The following FBXO15 variants were observed in gnomAD, a reference collection of about 807,000 sequenced individuals.
The protein encoded by FBXO15 is F-box only protein 15.
FBXO15 carries 30 observed loss-of-function variants against 49.5 expected under a neutral mutation model. That is an observed-to-expected ratio of 0.61 (90% CI 0.45 to 0.82). The LOEUF (loss-of-function observed/expected upper bound fraction) is 0.82. Among genes scored for constraint, FBXO15 ranks in the 40% least tolerant of loss-of-function variants. The probability of loss-of-function intolerance (pLI) is 0.00; values close to 1 mark genes in which losing one functional copy is unlikely to be tolerated. For synonymous variants in FBXO15, 250 were observed against 232.7 expected (o/e 1.07, Z -0.68); for missense variants, 591 against 631.5 (o/e 0.94, Z 0.69).
chr18:74,125,885 G>A, intron 6 of FBXO15, 90 bp downstream of exon 6: 2 of 1,519,510 alleles, frequency 1.3e-6, no homozygotes, highest in Non-Finnish European at 1.8e-6. Flanking sequence ...AAGCTTAAAG[G>A]ATTTTACATT....
At chr18:74,134,212 T>C (rs1363133607) in intron 3 of FBXO15, among the ~76,000 whole-genome samples, 6 of 152,152 alleles carry the variant, frequency 3.9e-5, no homozygotes, top group Non-Finnish European at 5.9e-5. Flanking sequence ...GAACAGTGTA[T>C]GTCCTCTTCA....
rs77229530 is a variant in FBXO15, at chr18:74,147,815, C to A, written c.-30G>T. On this transcript the variant is annotated 5_prime_UTR_variant, in exon 1 of 10. Coordinates refer to ENST00000419743, the MANE Select transcript of FBXO15 (RefSeq NM_001142958.2). Reference sequence around the variant, plus strand: ...ACAAGGAGTTCACCACAGGACCGCGCCAGGGCTGAAACGAAGAGTGCACGC... The same window carrying A: ...ACAAGGAGTTCACCACAGGACCGCGACAGGGCTGAAACGAAGAGTGCACGC... 0.071 allele frequency: 105,901 copies of A among 1,489,616 alleles called. 4,306 individuals are homozygous for A. Among genetic ancestry groups the A allele is most frequent in the Non-Finnish European group, 0.081 (90,876 of 1,119,888 alleles). 92.3% of individuals were successfully genotyped at this position (1,489,616 alleles called of 1,614,324 possible).
In FBXO15 at chr18:74,074,760, C is replaced by T. The variant is rs1284694807; in HGVS notation, c.1264-1030G>A. The stretch of plus-strand genomic sequence containing the variant: ...CTAAGCATAAACGTCATTTCATGAA[C>T]GCTGCTTTCATTGCACATGAATGTG... On this transcript the variant is annotated intron_variant, in intron 9 of 9. Transcript: ENST00000419743. The surrounding 1 kb of genome is among the most constrained non-coding windows in gnomAD (Gnocchi z 4.7). 5.9e-5 allele frequency among the ~76,000 whole-genome samples: 9 copies of T among 152,196 alleles called. No individual in the cohort carries two copies. The highest frequency in any genetic ancestry group is 8.8e-5 in the Non-Finnish European group (6 of 68,048).
At chr18:74,084,805 C>T (rs771197457) in intron 8 of FBXO15, among the ~76,000 whole-genome samples, 3 of 152,228 alleles carry the variant, frequency 2.0e-5, no homozygotes, top group South Asian at 2.1e-4. Context: ...TGTATAACCA[C>T]GGTCAAGTTC....
intron 8 of FBXO15, among the ~76,000 whole-genome samples, chr18:74,102,508 A>C (rs984627759): frequency 1.3e-5 from 2 of 152,186 alleles, no homozygotes; most frequent in African/African-American, 4.8e-5. Context: ...TGCTGAAGGG[A>C]ATGTAAACTA....
intron 3 of FBXO15, among the ~76,000 whole-genome samples, chr18:74,133,490 T>C (rs1978522801): frequency 6.6e-6 from 1 of 152,206 alleles, no homozygotes; most frequent in Admixed American, 6.5e-5. Context: ...TCCAGAATGC[T>C]AGTTTTAGAT....
chr18:74,129,055 T>C (rs1978307375), intron 5 of FBXO15, among the ~76,000 whole-genome samples: 1 of 152,302 alleles, frequency 6.6e-6, no homozygotes, highest in Admixed American at 6.5e-5. Flanking sequence ...ATTTAGACTA[T>C]GATTAGTATA....
At chr18:74,142,027 A>G (rs1474348183) in intron 1 of FBXO15, among the ~76,000 whole-genome samples, 1 of 152,198 alleles carries the variant, frequency 6.6e-6, no homozygotes, top group Non-Finnish European at 1.5e-5. Flanking sequence ...GAAGTTGCAT[A>G]AGGTAAACTT....
chr18:74,105,763 A>G (rs1913728791), intron 8 of FBXO15, among the ~76,000 whole-genome samples: 1 of 152,130 alleles, frequency 6.6e-6, no homozygotes, highest in Non-Finnish European at 1.5e-5. Flanking sequence ...TATTTTTTAA[A>G]TGCAATATGT....
chr18:74,135,732 A>G, intron 3 of FBXO15, 30 bp downstream of exon 3: 1 of 1,544,498 alleles, frequency 6.5e-7, no homozygotes, highest in Non-Finnish European at 8.8e-7. Flanking sequence ...CTGTCATCAA[A>G]ACATAACAGA....
chr18:74,088,406 A>G (rs1912844594), intron 8 of FBXO15, among the ~76,000 whole-genome samples: 1 of 152,216 alleles, frequency 6.6e-6, no homozygotes, highest in African/African-American at 2.4e-5. Context: ...GTCCAGCTTC[A>G]ATCATCTGCA....
intron 8 of FBXO15, among the ~76,000 whole-genome samples, chr18:74,086,992 A>G (rs1187674894): frequency 1.3e-5 from 2 of 152,226 alleles, no homozygotes; most frequent in Non-Finnish European, 2.9e-5. Context: ...CAAGTCACAT[A>G]AATTTTCTGG....
At chr18:74,133,758 G>A (rs1005986045) in intron 3 of FBXO15, among the ~76,000 whole-genome samples, 15 of 152,192 alleles carry the variant, frequency 9.9e-5, no homozygotes, top group Non-Finnish European at 1.9e-4. Flanking sequence ...AGCCAACTGT[G>A]CAGAGATCAC....
intron 2 of FBXO15, among the ~76,000 whole-genome samples, chr18:74,137,021 A>G (rs1978766128): frequency 6.6e-6 from 1 of 152,222 alleles, no homozygotes. Context: ...AACTCCGATA[A>G]TACTGAGAAA....
chr18:74,103,473 A>T (rs1472457609), intron 8 of FBXO15, among the ~76,000 whole-genome samples: 1 of 152,116 alleles, frequency 6.6e-6, no homozygotes, highest in Non-Finnish European at 1.5e-5. Flanking sequence ...AAATAATAAC[A>T]GAAAACTTTC....
intron 3 of FBXO15, among the ~76,000 whole-genome samples, chr18:74,131,561 C>T (rs1978393688): frequency 6.6e-6 from 1 of 152,152 alleles, no homozygotes; most frequent in Non-Finnish European, 1.5e-5. Flanking sequence ...CTGTTCCTTC[C>T]ACTCATCTCT....
At chr18:74,138,405 C>G (rs1978856377) in intron 2 of FBXO15, among the ~76,000 whole-genome samples, 2 of 152,140 alleles carry the variant, frequency 1.3e-5, no homozygotes, top group African/African-American at 2.4e-5. Context: ...CGCAGGTCAC[C>G]GACTGCTCTT....
intron 8 of FBXO15, among the ~76,000 whole-genome samples, chr18:74,115,035 A>C (rs1914169217): frequency 6.6e-6 from 1 of 152,214 alleles, no homozygotes; most frequent in Non-Finnish European, 1.5e-5. Context: ...AAGCATGAGC[A>C]ATATTTTATG....
intron 8 of FBXO15, among the ~76,000 whole-genome samples, chr18:74,088,897 A>G (rs1912876810): frequency 6.6e-6 from 1 of 151,924 alleles, no homozygotes; most frequent in South Asian, 2.1e-4. Context: ...TGTAATTCTC[A>G]CAGAATTATA....
Sources: allele counts gnomAD v4.1 joint callset (sites outside exome capture counted in the v4.1 genomes callset), GRCh38; gene constraint gnomAD v4.1.1; non-coding constraint Gnocchi (gnomAD v3.1); transcripts MANE v1.5; gene names NCBI Gene and HGNC (gene_info 2026-07-23, HGNC 2026-07-21).